The following FHIP1A variants were observed in gnomAD, a reference collection of about 807,000 sequenced individuals.
FHIP1A encodes the protein FHF complex subunit HOOK interacting protein 1A.
A neutral mutation model predicts 88.6 loss-of-function variants in FHIP1A; 61 were observed. The observed-to-expected ratio is 0.69, with a 90% CI of 0.56 to 0.85. The LOEUF (loss-of-function observed/expected upper bound fraction) is 0.85. Among genes scored for constraint, FHIP1A ranks in the 40% least tolerant of loss-of-function variants. The pLI is 0.00. For synonymous variants in FHIP1A, 478 were observed against 496.0 expected (o/e 0.96, Z 0.48); for missense variants, 1,154 against 1,273.5 (o/e 0.91, Z 1.43).
intron 8 of FHIP1A, among the ~76,000 whole-genome samples, chr4:151,630,274 G>A (rs572081408): frequency 1.3e-5 from 2 of 152,130 alleles, no homozygotes; most frequent in African/African-American, 4.8e-5. Context: ...CTGTCCATGA[G>A]TTTTCTTGAA....
chr4:151,586,884 T>A (rs531992113), intron 6 of FHIP1A, 85 bp downstream of exon 6: 6 of 1,063,206 alleles, frequency 5.6e-6, no homozygotes, highest in Non-Finnish European at 7.7e-6. Context: ...AAACGTTCAT[T>A]TTTTAAAATG....
rs557348126 is a variant in FHIP1A at position 151,650,083 on chromosome 4, A to C, written c.2042A>C (p.Asn681Thr). Reference sequence around the variant, plus strand: ...GAAGTTCAGAGTGTCCCCATCAACAACGGCCCCCTCCTCAGCACCCAGCCA... The same window carrying C: ...GAAGTTCAGAGTGTCCCCATCAACACCGGCCCCCTCCTCAGCACCCAGCCA... ...QAEVQSVPIN[N>T]GPLLSTQPET... Residue 681 changes from asparagine to threonine, a missense_variant, in exon 11 of 14, where the codon AAC becomes ACC. Asn to Thr is a moderately conservative substitution (Grantham distance 65, BLOSUM62 0). Coordinates refer to ENST00000435205, the MANE Select transcript of FHIP1A (RefSeq NM_001109977.3). 13 of 1,551,658 alleles carry C rather than the reference A, an allele frequency of 8.4e-6. No individual in the cohort carries two copies. The African/African-American group carries it at 1.2e-4, about 15-fold the overall frequency.
chr4:151,461,894 T>G (rs931440006), intron 2 of FHIP1A, among the ~76,000 whole-genome samples: 1 of 152,238 alleles, frequency 6.6e-6, no homozygotes, highest in African/African-American at 2.4e-5. Context: ...TCAGGCACAG[T>G]GGCTTACGCC....
intron 3 of FHIP1A, among the ~76,000 whole-genome samples, chr4:151,492,626 A>AACCAC (rs1730324979): frequency 1.3e-5 from 2 of 151,632 alleles, no homozygotes; most frequent in Non-Finnish European, 2.9e-5. Context: ...CAATTATATC[A>AACCAC]AGTACTCCTC....
rs1432296246 is a variant in FHIP1A, at chr4:151,566,365, G to A, written c.105+1G>A. 7 of 1,536,560 alleles carry A rather than the reference G, an allele frequency of 4.6e-6. No homozygotes were observed. The highest frequency in any genetic ancestry group is 1.4e-5 in the African/African-American group (1 of 72,718). ...TGTATTTAAAAACCACTGGGCACAG[G>A]TAATGTATGAATTCCACTTTTTTTG... On this transcript the variant is annotated splice_donor_variant, in intron 4 of 13. Coordinates refer to ENST00000435205, the MANE Select transcript of FHIP1A (RefSeq NM_001109977.3). LOFTEE classifies it high-confidence loss of function.
intron 2 of FHIP1A, among the ~76,000 whole-genome samples, chr4:151,460,309 C>CA (rs1177738691): frequency 1.3e-5 from 2 of 151,912 alleles, no homozygotes; most frequent in African/African-American, 4.8e-5. Context: ...CATGGCTGGA[C>CA]AAAAAAATGA....
chr4:151,534,663 T>C (rs905432813), intron 3 of FHIP1A: 2 of 152,344 alleles, frequency 1.3e-5, no homozygotes, highest in Non-Finnish European at 2.9e-5. Context: ...AGTGTATTTA[T>C]CTGCTGTTAA....
In FHIP1A at chr4:151,521,669, G is replaced by C. The variant is rs528806726; in HGVS notation, c.-123+39021G>C. ...AATTGGAGGCTTCCTTTCCGGGTAT[G>C]TCAGTTTGTATGTATGTATGTATGT... is the stretch of plus-strand genomic sequence containing the variant. On this transcript the variant is annotated intron_variant, in intron 3 of 13. Coordinates refer to ENST00000435205, the MANE Select transcript of FHIP1A (RefSeq NM_001109977.3). Among the ~76,000 whole-genome samples the C allele has an allele frequency of 4.6e-5, 7 of 151,088 alleles. No homozygotes were observed. The South Asian group carries it at 8.4e-4, about 18-fold the overall frequency.
At chr4:151,650,661 A>G in intron 11 of FHIP1A, 69 bp downstream of exon 11, 1 of 1,463,420 alleles carries the variant, frequency 6.8e-7, no homozygotes, top group Non-Finnish European at 9.0e-7. Context: ...ACAGGAAAGG[A>G]AGGTAGGAAA....
intron 1 of FHIP1A, among the ~76,000 whole-genome samples, chr4:151,441,818 T>C (rs1463984509): frequency 1.3e-5 from 2 of 152,342 alleles, no homozygotes; most frequent in Non-Finnish European, 2.9e-5. Flanking sequence ...TTTAAGTAAA[T>C]CAGCTTTGTT....
At chr4:151,618,897 T>C (rs1205227847) in intron 7 of FHIP1A, among the ~76,000 whole-genome samples, 3 of 152,250 alleles carry the variant, frequency 2.0e-5, no homozygotes, top group Non-Finnish European at 4.4e-5. Flanking sequence ...GAGAGAATCC[T>C]GGCTGAGAAA....
At chr4:151,609,270 T>A (rs994188858) in intron 7 of FHIP1A, among the ~76,000 whole-genome samples, 1 of 152,208 alleles carries the variant, frequency 6.6e-6, no homozygotes, top group Admixed American at 6.5e-5. Context: ...GTGCTCCTTA[T>A]AATTTGAAGT....
At chr4:151,537,843 CTT>C (rs1732128888) in intron 3 of FHIP1A, among the ~76,000 whole-genome samples, 1 of 152,122 alleles carries the variant, frequency 6.6e-6, no homozygotes, top group South Asian at 2.1e-4. Context: ...GTACAGCTCT[CTT>C]TTATTTCAGG....
intron 1 of FHIP1A, among the ~76,000 whole-genome samples, chr4:151,441,466 C>G (rs902796297): frequency 5.3e-5 from 8 of 151,972 alleles, no homozygotes; most frequent in Non-Finnish European, 1.0e-4. Flanking sequence ...TGTGTGTATA[C>G]ATATGTACAT....
At chr4:151,566,676 CCT>C (rs900577769) in intron 4 of FHIP1A, among the ~76,000 whole-genome samples, 4 of 151,134 alleles carry the variant, frequency 2.6e-5, no homozygotes, top group Admixed American at 6.6e-5. Flanking sequence ...ATAATTATAT[CCT>C]CTCTCTCTCT....
At chr4:151,589,165 G>T (rs916964077) in intron 7 of FHIP1A, among the ~76,000 whole-genome samples, 1 of 152,142 alleles carries the variant, frequency 6.6e-6, no homozygotes. Flanking sequence ...TCAGCCTAAA[G>T]GAACATTGGC....
At chr4:151,504,881 G>A (rs776781104) in intron 3 of FHIP1A, among the ~76,000 whole-genome samples, 2 of 152,140 alleles carry the variant, frequency 1.3e-5, no homozygotes, top group South Asian at 2.1e-4. Context: ...GCCTCCCAAC[G>A]TGCTAGGATT....
chr4:151,511,971 G>A (rs1214237412), intron 3 of FHIP1A, among the ~76,000 whole-genome samples: 2 of 152,248 alleles, frequency 1.3e-5, no homozygotes, highest in Non-Finnish European at 2.9e-5. Flanking sequence ...CTGAGAATGG[G>A]CAGACTGCCT....
At chr4:151,580,837 G>A (rs1009648481) in intron 5 of FHIP1A, among the ~76,000 whole-genome samples, 11 of 151,568 alleles carry the variant, frequency 7.3e-5, no homozygotes, top group Non-Finnish European at 1.0e-4. Flanking sequence ...CAAAAAACAT[G>A]TTGAATTATT....
Sources: allele counts gnomAD v4.1 joint callset (sites outside exome capture counted in the v4.1 genomes callset), GRCh38; gene constraint gnomAD v4.1.1; transcripts MANE v1.5; gene names NCBI Gene and HGNC (gene_info 2026-07-23, HGNC 2026-07-21).